ULK4: variants seen among roughly 807,000 people sequenced by gnomAD.
ULK4 encodes the protein unc-51 like kinase 4.
ULK4 carries 133 observed loss-of-function variants against 160.6 expected under a neutral mutation model. That is an observed-to-expected ratio of 0.83 (90% CI 0.72 to 0.96). The LOEUF is 0.96. ULK4 is among the 40% of genes least tolerant of loss of function. ULK4 has a pLI of 0.00. For synonymous variants in ULK4, 534 were observed against 539.8 expected (o/e 0.99, Z 0.15); for missense variants, 1,580 against 1,499.5 (o/e 1.05, Z -0.89).
Position 41,681,510 on chromosome 3 carries a change from G to T in ULK4, c.2976C>A (p.Pro992=), listed in dbSNP as rs141682159. The change falls in exon 29 of 37, where the codon CCC becomes CCA. Residue 992 remains proline (P), a splice_region_variant and synonymous_variant. Transcript: ENST00000301831. ...LLALIRDVLL[P]QYEHILLEPD... ...GAATACAACTGCATGATACTTACTGGGGAAGTAAGACATCTCGAATGAGAG... is the reference window on the plus strand; with the variant it reads ...GAATACAACTGCATGATACTTACTGTGGAAGTAAGACATCTCGAATGAGAG... 4.1e-5 allele frequency: 66 copies of T among 1,613,850 alleles called. No individual in the cohort carries two copies. The East Asian group carries it at 1.2e-3, about 31-fold the overall frequency.
intron 5 of ULK4, among the ~76,000 whole-genome samples, chr3:41,930,899 G>C (rs896148717): frequency 2.6e-5 from 4 of 152,186 alleles, no homozygotes; most frequent in African/African-American, 2.4e-5. Flanking sequence ...TGGGAATGTA[G>C]ATTGGTTCAA....
intron 31 of ULK4, among the ~76,000 whole-genome samples, chr3:41,585,002 TACAAGAAATC>T (rs1674309113): frequency 6.6e-6 from 1 of 152,018 alleles, no homozygotes. Flanking sequence ...AAATCAAAGA[TACAAGAAATC>T]AAAGATACAA....
chr3:41,911,110 A>C (rs1037116878), intron 11 of ULK4, among the ~76,000 whole-genome samples: 5 of 152,324 alleles, frequency 3.3e-5, no homozygotes, highest in Admixed American at 3.3e-4. Flanking sequence ...TTGGTTAAAA[A>C]TTTTCAAAAA....
intron 32 of ULK4, among the ~76,000 whole-genome samples, chr3:41,545,664 A>T (rs2086835109): frequency 6.6e-6 from 1 of 152,194 alleles, no homozygotes; most frequent in Non-Finnish European, 1.5e-5. Context: ...GTAGATAAAT[A>T]TGCTTTACCA....
intron 29 of ULK4, among the ~76,000 whole-genome samples, chr3:41,677,089 T>C (rs1243624356): frequency 1.3e-5 from 2 of 151,804 alleles, no homozygotes; most frequent in Non-Finnish European, 2.9e-5. Context: ...GTATTTTTTT[T>C]CTAGAGATGG....
chr3:41,865,536 T>C (rs1281303796), intron 17 of ULK4, among the ~76,000 whole-genome samples: 1 of 151,988 alleles, frequency 6.6e-6, no homozygotes, highest in Non-Finnish European at 1.5e-5. Flanking sequence ...CTTTCTGGAG[T>C]TTCTACTTAA....
At chr3:41,371,813 T>G (rs893922398) in intron 35 of ULK4, among the ~76,000 whole-genome samples, 7 of 152,134 alleles carry the variant, frequency 4.6e-5, no homozygotes, top group Admixed American at 4.6e-4. Flanking sequence ...TTGACAGAAG[T>G]AGGCTTCAGA....
intron 32 of ULK4, among the ~76,000 whole-genome samples, chr3:41,531,053 C>T (rs559004150): frequency 6.6e-6 from 1 of 151,168 alleles, no homozygotes; most frequent in South Asian, 2.1e-4. Context: ...TGAGCCACCG[C>T]GCCCGGCCCA....
chr3:41,288,226 A>T (rs1465819185), intron 35 of ULK4, among the ~76,000 whole-genome samples: 1 of 152,056 alleles, frequency 6.6e-6, no homozygotes, highest in Admixed American at 6.6e-5. Flanking sequence ...AAAAAAAATT[A>T]TCTCCCCACT....
chr3:41,851,893 G>A (rs2042223903), intron 17 of ULK4, among the ~76,000 whole-genome samples: 1 of 152,056 alleles, frequency 6.6e-6, no homozygotes. Context: ...AAATAACTAA[G>A]ATCAGAGCAG....
rs1199420104 is a variant in ULK4 at position 41,937,289 on chromosome 3, G to C, written c.238+809C>G. ...AAAACTAATTCCAGGACTGTGTCTT[G>C]ATAACCTTGTCCATGTGTACATCCA... On this transcript the variant is annotated intron_variant, in intron 3 of 36. Coordinates refer to ENST00000301831, the MANE Select transcript of ULK4 (RefSeq NM_017886.4). 6 of 684,456 alleles carry C rather than the reference G, an allele frequency of 8.8e-6. No homozygotes were observed. In the East Asian group the frequency reaches 1.1e-4, roughly 12 times the overall value. The allele number at this position is 684,456 out of a possible 1,614,324, so 42.4% of individuals were successfully genotyped here.
chr3:41,824,346 A>G (rs2041264835), intron 18 of ULK4, among the ~76,000 whole-genome samples: 2 of 152,136 alleles, frequency 1.3e-5, no homozygotes, highest in South Asian at 4.2e-4. Context: ...CACACCGAGC[A>G]TAAGACAAAG....
chr3:41,846,894 GA>G (rs2125669353), intron 17 of ULK4, among the ~76,000 whole-genome samples: 1 of 151,374 alleles, frequency 6.6e-6, no homozygotes, highest in East Asian at 1.9e-4. Context: ...TGCATTTTTT[GA>G]AAACCATACA....
chr3:41,657,201 G>A (rs1451699531), intron 30 of ULK4, among the ~76,000 whole-genome samples: 1 of 152,010 alleles, frequency 6.6e-6, no homozygotes, highest in Non-Finnish European at 1.5e-5. Context: ...ACTTGAAAGG[G>A]AACAATAAAT....
Position 41,506,764 on chromosome 3 carries a change from T to TAA in ULK4, c.3227-43513_3227-43512dup, listed in dbSNP as rs200785051. ...CAAAGCAATACACTGGAGTGTGATT[T>TAA]AAAATATATATATATATATATATAT... On this transcript the variant is annotated intron_variant, in intron 32 of 36. Transcript: ENST00000301831. Among the ~76,000 whole-genome samples, 26 of 19,926 alleles carry TAA rather than the reference T, an allele frequency of 1.3e-3. 4 individuals carry two copies. The highest frequency in any genetic ancestry group is 5.0e-3 in the Admixed American group (5 of 1,000). 13.1% of individuals were successfully genotyped at this position (19,926 alleles called of 152,430 possible). A position where few individuals can be genotyped will look rare whatever the true frequency, so the allele number is the denominator to read the frequency against.
intron 35 of ULK4, among the ~76,000 whole-genome samples, chr3:41,285,035 A>G (rs964698476): frequency 1.3e-5 from 2 of 152,210 alleles, no homozygotes; most frequent in Non-Finnish European, 2.9e-5. Context: ...GAAAACCACA[A>G]TGTGATACCA....
intron 32 of ULK4, among the ~76,000 whole-genome samples, chr3:41,495,921 T>G (rs4973881): frequency 1.3e-5 from 2 of 151,836 alleles, no homozygotes; most frequent in Non-Finnish European, 2.9e-5. Flanking sequence ...CTTTTAAAAC[T>G]TTGAGTTGAG....
At chr3:41,378,152 CT>C (rs1179684918) in intron 35 of ULK4, among the ~76,000 whole-genome samples, 2 of 143,100 alleles carry the variant, frequency 1.4e-5, no homozygotes, top group Non-Finnish European at 3.0e-5. Context: ...CATATTCTCA[CT>C]TATAGGTGGG....
At chr3:41,524,666 G>A (rs933116717) in intron 32 of ULK4, among the ~76,000 whole-genome samples, 3 of 151,998 alleles carry the variant, frequency 2.0e-5, no homozygotes, top group Admixed American at 6.6e-5. Context: ...GCAGCCGGGT[G>A]GAGTGGTTCA....
Sources: allele counts gnomAD v4.1 joint callset (sites outside exome capture counted in the v4.1 genomes callset), GRCh38; gene constraint gnomAD v4.1.1; transcripts MANE v1.5; gene names NCBI Gene and HGNC (gene_info 2026-07-23, HGNC 2026-07-21).